The following MEF2A variants were observed in gnomAD, a reference collection of about 807,000 sequenced individuals.
The protein encoded by MEF2A is myocyte-specific enhancer factor 2A.
In MEF2A, 28 loss-of-function variants were observed where a neutral mutation model predicts 55.8. The ratio of observed to expected loss-of-function variants is 0.50; its 90% CI spans 0.37 to 0.69. The LOEUF is 0.69. MEF2A is among the 30% of genes least tolerant of loss of function. The pLI, the probability that MEF2A is intolerant of heterozygous loss-of-function variation, is 0.00. For missense variants in MEF2A, 528 were observed against 626.2 expected, an observed-to-expected ratio of 0.84 and a Z score of 1.67; for synonymous variants, 239 against 227.1, an observed-to-expected ratio of 1.05 and a Z score of -0.47.
chr15:99,568,175 T>A (rs925064334), intron 1 of MEF2A, among the ~76,000 whole-genome samples: 3 of 152,344 alleles, frequency 2.0e-5, no homozygotes, highest in East Asian at 1.9e-4. Context: ...AAAAGTTTTT[T>A]AAAAAATTAA....
chr15:99,603,543 T>TTGTGTGTGTGCG (rs1974045925), intron 2 of MEF2A, among the ~76,000 whole-genome samples: 1 of 126,422 alleles, frequency 7.9e-6, no homozygotes, highest in Non-Finnish European at 1.6e-5. Context: ...CTGGCTGATT[T>TTGTGTGTGTGCG]TGTGTGTGTG....
chr15:99,644,270 CAG>C (rs1262663723), intron 3 of MEF2A, among the ~76,000 whole-genome samples: 1 of 152,128 alleles, frequency 6.6e-6, no homozygotes, highest in African/African-American at 2.4e-5. Flanking sequence ...AGGGAGAAAA[CAG>C]ATACTCTGCT....
At chr15:99,676,458 A>C (rs995360390) in intron 7 of MEF2A, among the ~76,000 whole-genome samples, 1 of 151,906 alleles carries the variant, frequency 6.6e-6, no homozygotes, top group African/African-American at 2.4e-5. Flanking sequence ...GTGAGAGCCT[A>C]ATATGCTTCT....
At chr15:99,675,261 G>C in intron 6 of MEF2A, 138 bp from the exon 7 acceptor site, 1 of 759,784 alleles carries the variant, frequency 1.3e-6, no homozygotes. Context: ...GCCAACTTCA[G>C]ACTGAGCTAG....
intron 4 of MEF2A, among the ~76,000 whole-genome samples, chr15:99,669,461 T>TG (rs1039664463): frequency 2.6e-5 from 4 of 152,162 alleles, no homozygotes; most frequent in Admixed American, 2.0e-4. Context: ...CTACCATGGT[T>TG]GGGGGAGGAT....
intron 7 of MEF2A, among the ~76,000 whole-genome samples, chr15:99,683,190 G>A (rs2053561611): frequency 1.3e-5 from 2 of 152,188 alleles, no homozygotes; most frequent in Non-Finnish European, 2.9e-5. Flanking sequence ...ACTCTATGGG[G>A]TGTGGAAAGG....
intron 3 of MEF2A, among the ~76,000 whole-genome samples, chr15:99,640,888 A>C (rs564848247): frequency 6.6e-6 from 1 of 151,370 alleles, no homozygotes; most frequent in South Asian, 2.1e-4. Context: ...TTATCTTTCA[A>C]CCTTACTGTT....
At chr15:99,639,772 T>C (rs560699439) in intron 3 of MEF2A, among the ~76,000 whole-genome samples, 7 of 152,334 alleles carry the variant, frequency 4.6e-5, no homozygotes, top group African/African-American at 1.7e-4. Flanking sequence ...TTTCTGTCTT[T>C]GTCCCTTTTT....
intron 5 of MEF2A, among the ~76,000 whole-genome samples, chr15:99,672,517 G>A (rs746398698): frequency 3.3e-5 from 5 of 152,156 alleles, no homozygotes; most frequent in Non-Finnish European, 5.9e-5. Context: ...TAGGTCAGCC[G>A]CCCTTGAACA....
At chr15:99,572,013 G>GTTTTTTTTTTTTTTTTTTTTTTTT (rs36027608) in intron 1 of MEF2A, among the ~76,000 whole-genome samples, 3 of 128,374 alleles carry the variant, frequency 2.3e-5, no homozygotes, top group Non-Finnish European at 5.0e-5. Context: ...CTCCATAGAA[G>GTTTTTTTTTTTTTTTTTTTTTTTT]TTTTTTTTTT....
At chr15:99,664,666 T>C (rs2049267834) in intron 4 of MEF2A, among the ~76,000 whole-genome samples, 1 of 152,142 alleles carries the variant, frequency 6.6e-6, no homozygotes, top group Non-Finnish European at 1.5e-5. Flanking sequence ...TCCATGTGAA[T>C]GTAGAGAGAG....
chr15:99,571,229 A>C (rs1370298401), intron 1 of MEF2A, among the ~76,000 whole-genome samples: 1 of 151,822 alleles, frequency 6.6e-6, no homozygotes, highest in Admixed American at 6.6e-5. Context: ...TCCCATCCTA[A>C]GTTAAAATAC....
chr15:99,575,549 T>C (rs1238546790), intron 1 of MEF2A, among the ~76,000 whole-genome samples: 1 of 152,226 alleles, frequency 6.6e-6, no homozygotes, highest in Non-Finnish European at 1.5e-5. Flanking sequence ...GATGTTTATT[T>C]GGACCACTTA....
chr15:99,597,007 A>G (rs537110743), intron 1 of MEF2A, among the ~76,000 whole-genome samples: 1 of 152,304 alleles, frequency 6.6e-6, no homozygotes, highest in South Asian at 2.1e-4. Flanking sequence ...GGATTATATC[A>G]TCTCAGGACC....
chr15:99,599,092 T>G (rs972560228), intron 2 of MEF2A, among the ~76,000 whole-genome samples: 9 of 152,144 alleles, frequency 5.9e-5, no homozygotes, highest in African/African-American at 2.2e-4. Flanking sequence ...AAACTTACAT[T>G]GGCCTAGGTT....
chr15:99,572,318 G>C (rs1208710417), intron 1 of MEF2A, among the ~76,000 whole-genome samples: 5 of 152,080 alleles, frequency 3.3e-5, no homozygotes, highest in Non-Finnish European at 7.4e-5. Context: ...CAAATGTCTG[G>C]CTTGGCTAAA....
intron 2 of MEF2A, among the ~76,000 whole-genome samples, chr15:99,619,986 C>G (rs1721481232): frequency 6.6e-6 from 1 of 152,204 alleles, no homozygotes; most frequent in Non-Finnish European, 1.5e-5. Context: ...TTAAAGTTTT[C>G]TGGCATTCAG....
chr15:99,611,853 C>T (rs1235969945), intron 2 of MEF2A, among the ~76,000 whole-genome samples: 1 of 152,112 alleles, frequency 6.6e-6, no homozygotes, highest in East Asian at 1.9e-4. Context: ...GGATGAAGTA[C>T]TGATTAATGT....
intron 4 of MEF2A, among the ~76,000 whole-genome samples, chr15:99,670,334 C>T (rs908471135): frequency 4.6e-5 from 7 of 152,276 alleles, no homozygotes; most frequent in African/African-American, 1.7e-4. Context: ...AAGGGCTGGG[C>T]ACAGTGGCTC....
Sources: gnomAD v4.1 joint callset for allele counts (sites outside exome capture counted in the v4.1 genomes callset) on GRCh38, gnomAD v4.1.1 for gene constraint, MANE v1.5 for transcripts, NCBI Gene and HGNC (gene_info 2026-07-23, HGNC 2026-07-21) for gene names.